The following ZNF254 variants were observed in gnomAD, a reference collection of about 807,000 sequenced individuals.
ZNF254 encodes the protein zinc finger protein 254.
A neutral mutation model predicts 12.4 loss-of-function variants in ZNF254; 10 were observed. That is an observed-to-expected ratio of 0.80 (90% CI 0.50 to 1.36). The LOEUF (loss-of-function observed/expected upper bound fraction) is 1.36, where lower values mean the gene tolerates loss of function less well. Ranked by LOEUF, ZNF254 falls within the 40% of genes most tolerant of loss-of-function variation. The pLI is 0.00. For synonymous variants in ZNF254, 305 were observed against 253.4 expected, an observed-to-expected ratio of 1.20 and a Z score of -1.93; for missense variants, 996 against 763.9, an observed-to-expected ratio of 1.30 and a Z score of -3.58.
Position 24,080,978 on chromosome 19 carries a change from T to G in ZNF254, c.-93-24962T>G, listed in dbSNP as rs568606419. Among the ~76,000 whole-genome samples the G allele has an allele frequency of 9.9e-4, 143 of 144,346 alleles. 1 individual carries two copies. The highest frequency in any genetic ancestry group is 3.6e-3 in the African/African-American group (139 of 38,780). 94.7% of individuals were successfully genotyped at this position (144,346 alleles called of 152,430 possible). ...TGTAATCCCAGCTACTCAGGAGGCTTAGGCAAGAGATTCACATAAACCCGG... is the reference window on the plus strand; with the variant it reads ...TGTAATCCCAGCTACTCAGGAGGCTGAGGCAAGAGATTCACATAAACCCGG... On this transcript the variant is annotated intron_variant, in intron 2 of 4. Transcript: ENST00000613065.
In ZNF254 at chr19:24,121,335, A is replaced by G. The variant is rs548835299; in HGVS notation, c.254-4919A>G. Among the ~76,000 whole-genome samples the G allele has an allele frequency of 4.6e-5, 7 of 151,832 alleles. No individual in the cohort carries two copies. In the South Asian group the frequency reaches 1.0e-3, roughly 23 times the overall value. On this transcript the variant is annotated intron_variant, in intron 3 of 3. Coordinates refer to ENST00000357002, the MANE Select transcript of ZNF254 (RefSeq NM_203282.4). ...AATAAGTTTTACATTCCATGTTTTA[A>G]TTTTGTTTTGCAATTTTATATTTTT...
upstream of ZNF254, among the ~76,000 whole-genome samples, chr19:24,084,415 A>G (rs1971953278): frequency 6.6e-6 from 1 of 151,942 alleles, no homozygotes; most frequent in African/African-American, 2.4e-5. Flanking sequence ...CAAGGGTAGG[A>G]GAAGAGTGAC....
intron 1 of ZNF254, among the ~76,000 whole-genome samples, chr19:24,038,498 A>ATT (rs139246490): frequency 6.6e-6 from 1 of 151,380 alleles, no homozygotes; most frequent in Admixed American, 6.6e-5. Flanking sequence ...TTCTGTAATA[A>ATT]TTTTTTTTTC....
upstream of ZNF254, among the ~76,000 whole-genome samples, chr19:24,082,831 C>T (rs140024723): frequency 4.6e-3 from 699 of 151,560 alleles, 3 homozygotes; most frequent in Non-Finnish European, 7.6e-3. Context: ...TTTTTTTAAA[C>T]CATCTGTGAC....
At chr19:24,101,786 A>T (rs1973045835) in intron 1 of ZNF254, among the ~76,000 whole-genome samples, 1 of 152,190 alleles carries the variant, frequency 6.6e-6, no homozygotes, top group Non-Finnish European at 1.5e-5. Context: ...GGTGTCTTTG[A>T]GACATTTGAG....
chr19:24,095,792 T>C (rs538274824), intron 1 of ZNF254, among the ~76,000 whole-genome samples: 2 of 152,236 alleles, frequency 1.3e-5, no homozygotes, highest in East Asian at 3.9e-4. Context: ...GTTTATTTAT[T>C]TTTTCATAGA....
chr19:24,056,950 A>G (rs1420840730), intron 2 of ZNF254, among the ~76,000 whole-genome samples: 1 of 149,584 alleles, frequency 6.7e-6, no homozygotes, highest in African/African-American at 2.4e-5. Context: ...CCCTATCCAC[A>G]GTGGAGATTG....
At chr19:24,086,090 C>G (rs1972027541), upstream of ZNF254, among the ~76,000 whole-genome samples, 1 of 151,276 alleles carries the variant, frequency 6.6e-6, no homozygotes, top group Non-Finnish European at 1.5e-5. Context: ...GCCTGTAATC[C>G]CAGCTACTCG....
At chr19:24,088,060 C>T (rs1433407385) in intron 1 of ZNF254, among the ~76,000 whole-genome samples, 3 of 151,734 alleles carry the variant, frequency 2.0e-5, no homozygotes, top group Non-Finnish European at 4.4e-5. Context: ...GGACTACAGG[C>T]GCCCGCCACC....
At chr19:24,092,285 G>C (rs1017492359) in intron 1 of ZNF254, among the ~76,000 whole-genome samples, 1 of 151,638 alleles carries the variant, frequency 6.6e-6, no homozygotes, top group African/African-American at 2.4e-5. Flanking sequence ...TCCTGCTTCA[G>C]CCTCTCGAAT....
In ZNF254 at chr19:24,127,338, C is replaced by G. The variant is rs372175144; in HGVS notation, c.1338C>G (p.Ser446=). 4.3e-6 allele frequency: 7 copies of G among 1,613,228 alleles called. No individual in the cohort carries two copies. In the African/African-American group the frequency reaches 8.0e-5, roughly 18 times the overall value. ...AATGTGGCAAAGCATTTATCTGGTC[C>G]TCAACCCTTACTAAACATAAGAGAA... ...CEECGKAFIW[S]STLTKHKRIH... The change falls in exon 4 of 4, where the codon TCC becomes TCG. Residue 446 remains serine, a synonymous_variant. Transcript: ENST00000357002.
At chr19:24,052,441 G>C (rs1049731613) in intron 2 of ZNF254, among the ~76,000 whole-genome samples, 2 of 152,188 alleles carry the variant, frequency 1.3e-5, no homozygotes, top group Admixed American at 6.5e-5. Context: ...GTGACCTTGT[G>C]ACATATCTTT....
chr19:24,085,427 A>ATATATATATATATGT (rs1369362234), upstream of ZNF254, among the ~76,000 whole-genome samples: 40 of 42,442 alleles, frequency 9.4e-4, 3 homozygotes, highest in South Asian at 4.1e-3. Flanking sequence ...TATATATATA[A>ATATATATATATATGT]AAACTAAGAT....
intron 2 of ZNF254, chr19:24,064,413 C>T (rs1172308244): frequency 2.6e-5 from 4 of 152,182 alleles, no homozygotes; most frequent in African/African-American, 9.7e-5. Context: ...GTCTCTGCTA[C>T]TGCTTGGGGT....
intron 1 of ZNF254, among the ~76,000 whole-genome samples, chr19:24,034,135 C>A (rs1409133024): frequency 6.6e-6 from 1 of 152,044 alleles, no homozygotes; most frequent in African/African-American, 2.4e-5. Flanking sequence ...TTTTGTATTT[C>A]TAGTAGAGAA....
At chr19:24,119,355 C>T (rs534973192) in intron 3 of ZNF254, among the ~76,000 whole-genome samples, 10 of 151,846 alleles carry the variant, frequency 6.6e-5, no homozygotes, top group Admixed American at 2.6e-4. Context: ...CCATGCCTGG[C>T]GAATTTTTGC....
intron 1 of ZNF254, chr19:24,098,827 A>G (rs570521752): frequency 2.6e-5 from 4 of 152,224 alleles, no homozygotes; most frequent in African/African-American, 7.2e-5. Context: ...TCTTGGAGCT[A>G]GCTTTATCTG....
upstream of ZNF254, among the ~76,000 whole-genome samples, chr19:24,085,296 T>A (rs895344403): frequency 8.6e-5 from 13 of 150,660 alleles, no homozygotes; most frequent in African/African-American, 3.2e-4. Context: ...TAACAGAAAA[T>A]TTGAATAAAC....
At chr19:24,076,605 C>T (rs1219642934) in intron 2 of ZNF254, among the ~76,000 whole-genome samples, 1 of 152,070 alleles carries the variant, frequency 6.6e-6, no homozygotes, top group Non-Finnish European at 1.5e-5. Flanking sequence ...GTTTGAATGC[C>T]TCTGACATAG....
Sources: allele counts gnomAD v4.1 joint callset (sites outside exome capture counted in the v4.1 genomes callset), GRCh38; gene constraint gnomAD v4.1.1; transcripts MANE v1.5; gene names NCBI Gene and HGNC (gene_info 2026-07-23, HGNC 2026-07-21).